The following PTPN1 variants were observed in gnomAD, a reference collection of about 807,000 sequenced individuals.
PTPN1 encodes protein tyrosine phosphatase non-receptor type 1, also known as tyrosine-protein phosphatase non-receptor type 1.
In PTPN1, 12 loss-of-function variants were observed where a neutral mutation model predicts 59.9. That is an observed-to-expected ratio of 0.20 (90% CI 0.13 to 0.32). PTPN1 has a LOEUF of 0.32. PTPN1 is among the 10% of genes least tolerant of loss of function. PTPN1 has a pLI of 1.00. For missense variants in PTPN1, 356 were observed against 549.2 expected, an observed-to-expected ratio of 0.65 and a Z score of 3.52; for synonymous variants, 178 against 203.6, an observed-to-expected ratio of 0.87 and a Z score of 1.07.
chr20:50,523,566 C>G lies in PTPN1; in HGVS notation c.63+12976C>G, dbSNP rs559024044. ...TCCTTGCAGCCAGTGTCTGTTGATT[C>G]AGTCATTCAAAAAATAATACATGAA... On this transcript the variant is annotated intron_variant, in intron 1 of 9. Transcript: ENST00000371621. 3.3e-5 allele frequency among the ~76,000 whole-genome samples: 5 copies of G among 152,286 alleles called. No individual in the cohort carries two copies. The East Asian group carries it at 9.6e-4, about 29-fold the overall frequency.
At chr20:50,574,814 A>G (rs893269621) in intron 5 of PTPN1, 160 bp downstream of exon 5, 3 of 854,074 alleles carry the variant, frequency 3.5e-6, no homozygotes, top group Admixed American at 6.2e-5. Flanking sequence ...TTACTTGTGT[A>G]CCTACCAAGT....
intron 3 of PTPN1, among the ~76,000 whole-genome samples, chr20:50,567,465 T>C (rs2082784473): frequency 6.6e-6 from 1 of 151,488 alleles, no homozygotes; most frequent in Admixed American, 6.6e-5. Flanking sequence ...TAGGTGAAAA[T>C]AGATGAGAAT....
intron 1 of PTPN1, among the ~76,000 whole-genome samples, chr20:50,560,974 C>T (rs750505971): frequency 4.6e-5 from 7 of 152,086 alleles, no homozygotes; most frequent in Non-Finnish European, 1.0e-4. Flanking sequence ...AACTCCCAGG[C>T]CTGGCATTCA....
intron 4 of PTPN1, among the ~76,000 whole-genome samples, chr20:50,569,495 CTCCTGTGTAGACTG>C (rs749439830): frequency 2.2e-3 from 326 of 150,504 alleles, no homozygotes; most frequent in African/African-American, 4.2e-3. Flanking sequence ...GGCAGCCGGC[CTCCTGTGTAGACTG>C]TCCTGTGTAG....
intron 5 of PTPN1, chr20:50,574,939 G>A: frequency 2.8e-6 from 1 of 357,260 alleles, no homozygotes; most frequent in Non-Finnish European, 5.0e-6. Flanking sequence ...TTGTGCAGCT[G>A]CAGAGGGACT....
At chr20:50,511,667 C>T (rs2082508087) in intron 1 of PTPN1, among the ~76,000 whole-genome samples, 1 of 152,172 alleles carries the variant, frequency 6.6e-6, no homozygotes, top group Non-Finnish European at 1.5e-5. Flanking sequence ...TAGTTAAAAA[C>T]ACAAAGAGCT....
chr20:50,522,908 G>A (rs1435459756), intron 1 of PTPN1, among the ~76,000 whole-genome samples: 2 of 148,032 alleles, frequency 1.4e-5, no homozygotes, highest in Non-Finnish European at 3.0e-5. Context: ...TGCCTGCCAC[G>A]ATGCCCGGCT....
rs994484522 is a variant in PTPN1 at position 50,583,999 on chromosome 20, C to T, written c.*1284C>T. The T allele has an allele frequency of 1.3e-5, 2 of 152,658 alleles. No homozygotes were observed. Among genetic ancestry groups the T allele is most frequent in the African/African-American group, 4.8e-5 (2 of 41,462 alleles). The allele number at this position is 152,658 out of a possible 1,614,324, so 9.5% of individuals were successfully genotyped here. On this transcript the variant is annotated 3_prime_UTR_variant, in exon 10 of 10. Transcript: ENST00000371621. ...GACGGTCCTTTAGGCAGCCTGCCGC[C>T]GTCTCTGTCCCGGTTCACCTTGCCG...
chr20:50,515,795 TC>T (rs969394258), intron 1 of PTPN1, among the ~76,000 whole-genome samples: 6 of 152,150 alleles, frequency 3.9e-5, no homozygotes, highest in African/African-American at 1.4e-4. Context: ...TGGCTCCCAC[TC>T]TAGGGGGGCA....
intron 1 of PTPN1, among the ~76,000 whole-genome samples, chr20:50,513,845 CTA>C (rs1200490971): frequency 2.0e-5 from 3 of 151,634 alleles, no homozygotes; most frequent in Non-Finnish European, 4.4e-5. Flanking sequence ...GGAAAAAAAA[CTA>C]TTTTATGCAA....
chr20:50,541,468 A>C (rs1380805758), intron 1 of PTPN1, among the ~76,000 whole-genome samples: 2 of 152,166 alleles, frequency 1.3e-5, no homozygotes, highest in Non-Finnish European at 2.9e-5. Flanking sequence ...TGTACGGGAC[A>C]GCTCTTCTGT....
chr20:50,545,457 CA>C (rs2082670972), intron 1 of PTPN1, among the ~76,000 whole-genome samples: 1 of 152,188 alleles, frequency 6.6e-6, no homozygotes, highest in African/African-American at 2.4e-5. Context: ...GCTGTTTATT[CA>C]GCAATATCCT....
At chr20:50,558,922 C>T (rs1436156850) in intron 1 of PTPN1, among the ~76,000 whole-genome samples, 2 of 151,930 alleles carry the variant, frequency 1.3e-5, no homozygotes, top group African/African-American at 4.8e-5. Context: ...CTATATCTTT[C>T]TCTTTCTTGG....
intron 1 of PTPN1, among the ~76,000 whole-genome samples, chr20:50,526,423 C>A (rs79902310): frequency 8.7e-4 from 133 of 152,092 alleles, no homozygotes; most frequent in African/African-American, 3.0e-3. Flanking sequence ...TTCCCTACTC[C>A]CCTTAGTTTA....
At chr20:50,529,029 G>A (rs2082589625) in intron 1 of PTPN1, among the ~76,000 whole-genome samples, 5 of 152,172 alleles carry the variant, frequency 3.3e-5, no homozygotes, top group Admixed American at 2.0e-4. Flanking sequence ...CCCTCATGGT[G>A]CCTTGCATGG....
intron 1 of PTPN1, among the ~76,000 whole-genome samples, chr20:50,527,806 CTTTTA>C (rs2082583901): frequency 3.3e-5 from 5 of 152,050 alleles, no homozygotes; most frequent in East Asian, 1.9e-4. Flanking sequence ...TTTTCCTTTT[CTTTTA>C]TATCTCCTGC....
chr20:50,555,494 C>T (rs2079509878), intron 1 of PTPN1, among the ~76,000 whole-genome samples: 1 of 152,060 alleles, frequency 6.6e-6, no homozygotes, highest in South Asian at 2.1e-4. Flanking sequence ...TGGTTGTAGA[C>T]ATTGCTTAAA....
At chr20:50,531,418 C>G (rs775083886) in intron 1 of PTPN1, among the ~76,000 whole-genome samples, 1 of 152,078 alleles carries the variant, frequency 6.6e-6, no homozygotes, top group Non-Finnish European at 1.5e-5. Flanking sequence ...GCTCTGTCAC[C>G]CAGGCTGGAG....
At chr20:50,539,113 G>T (rs953007192) in intron 1 of PTPN1, among the ~76,000 whole-genome samples, 5 of 131,114 alleles carry the variant, frequency 3.8e-5, no homozygotes, top group African/African-American at 1.4e-4. Flanking sequence ...TCGGCTCACC[G>T]CAACCTCCAC....
Sources: gnomAD v4.1 joint callset for allele counts (sites outside exome capture counted in the v4.1 genomes callset) on GRCh38, gnomAD v4.1.1 for gene constraint, MANE v1.5 for transcripts, NCBI Gene and HGNC (gene_info 2026-07-23, HGNC 2026-07-21) for gene names.